Variants in MRPS28 observed in about 807,000 individuals in gnomAD.
MRPS28 encodes mitochondrial ribosomal protein S28.
Under a neutral mutation model 10.8 loss-of-function variants are expected in MRPS28, and 7 were observed. The ratio of observed to expected loss-of-function variants is 0.65; its 90% CI spans 0.37 to 1.22. The LOEUF (loss-of-function observed/expected upper bound fraction) is 1.22, where lower values mean the gene tolerates loss of function less well. Ranked by LOEUF, MRPS28 falls within the 50% of genes most tolerant of loss-of-function variation. MRPS28 has a pLI of 0.02. For missense variants in MRPS28, 265 were observed against 232.9 expected (o/e 1.14, Z -0.90); for synonymous variants, 121 against 93.3 (o/e 1.30, Z -1.71).
chr8:79,974,249 TAAAC>T (rs1807721186), intron 2 of MRPS28, among the ~76,000 whole-genome samples: 1 of 151,742 alleles, frequency 6.6e-6, no homozygotes, highest in African/African-American at 2.4e-5. Flanking sequence ...CATATACATA[TAAAC>T]AAACGAGGCC....
At chr8:79,974,614 C>G (rs1248669893) in intron 2 of MRPS28, among the ~76,000 whole-genome samples, 5 of 151,608 alleles carry the variant, frequency 3.3e-5, no homozygotes, top group Admixed American at 6.6e-5. Flanking sequence ...AAGCACTAGT[C>G]TTGCTATTTT....
At chr8:79,974,322 C>T (rs1192924146) in intron 2 of MRPS28, among the ~76,000 whole-genome samples, 2 of 151,976 alleles carry the variant, frequency 1.3e-5, no homozygotes, top group African/African-American at 2.4e-5. Context: ...GGATGGATCA[C>T]GAGGTCAGGA....
chr8:79,924,659 T>C (rs1008603845), intron 2 of MRPS28, among the ~76,000 whole-genome samples: 2 of 152,212 alleles, frequency 1.3e-5, no homozygotes, highest in Admixed American at 1.3e-4. Flanking sequence ...ATGCAAACTT[T>C]TAAGCCTTTT....
At chr8:80,026,592 A>G (rs780649925) in intron 1 of MRPS28, among the ~76,000 whole-genome samples, 2 of 152,252 alleles carry the variant, frequency 1.3e-5, no homozygotes, top group Non-Finnish European at 2.9e-5. Flanking sequence ...GGCACTGGAA[A>G]TACAACAGAA....
At chr8:79,959,069 A>C (rs557334316) in intron 2 of MRPS28, among the ~76,000 whole-genome samples, 2 of 152,234 alleles carry the variant, frequency 1.3e-5, no homozygotes, top group Admixed American at 6.5e-5. Context: ...TTAAAGTGAA[A>C]TCCTTCCCTC....
At chr8:80,023,740 T>C (rs901838058) in intron 1 of MRPS28, among the ~76,000 whole-genome samples, 1 of 152,224 alleles carries the variant, frequency 6.6e-6, no homozygotes, top group Non-Finnish European at 1.5e-5. Context: ...CCTCTACTGC[T>C]AAGAGTCATA....
chr8:79,979,927 A>AT (rs1554572300), intron 2 of MRPS28, among the ~76,000 whole-genome samples: 11 of 140,630 alleles, frequency 7.8e-5, no homozygotes, highest in Non-Finnish European at 1.7e-4. Flanking sequence ...AAAAAAAAAA[A>AT]AAAAAAAAAA....
At chr8:79,919,942 C>CCGCCCT (rs1554567167) in intron 2 of MRPS28, among the ~76,000 whole-genome samples, 1 of 93,576 alleles carries the variant, frequency 1.1e-5, no homozygotes, top group Admixed American at 1.4e-4. Context: ...TGCTATCCCT[C>CCGCCCT]CCCCCACCCC....
chr8:79,932,594 G>C (rs1489310678), intron 2 of MRPS28, among the ~76,000 whole-genome samples: 2 of 152,198 alleles, frequency 1.3e-5, no homozygotes, highest in African/African-American at 2.4e-5. Context: ...GCTCTGGAAA[G>C]CCTATGGAGG....
intron 2 of MRPS28, among the ~76,000 whole-genome samples, chr8:79,992,352 A>G (rs934775960): frequency 2.0e-5 from 3 of 152,168 alleles, no homozygotes; most frequent in Non-Finnish European, 4.4e-5. Context: ...TCCTCATGCC[A>G]TTTTCCCCAG....
chr8:80,000,278 T>C (rs1202066636), intron 2 of MRPS28, among the ~76,000 whole-genome samples: 1 of 152,236 alleles, frequency 6.6e-6, no homozygotes, highest in Non-Finnish European at 1.5e-5. Context: ...GAAGTTTAAA[T>C]GGGTATTTCT....
intron 2 of MRPS28, among the ~76,000 whole-genome samples, chr8:79,962,419 T>A (rs1235996882): frequency 6.6e-6 from 1 of 152,124 alleles, no homozygotes. Context: ...TGCTTTCTCA[T>A]CAAGGTCCCA....
intron 2 of MRPS28, among the ~76,000 whole-genome samples, chr8:79,970,800 T>C (rs1369125528): frequency 2.0e-5 from 3 of 151,962 alleles, no homozygotes; most frequent in Non-Finnish European, 2.9e-5. Flanking sequence ...AAAACATACA[T>C]TGCTATAAAT....
chr8:80,023,560 A>C (rs1809426819), intron 1 of MRPS28, among the ~76,000 whole-genome samples: 1 of 152,236 alleles, frequency 6.6e-6, no homozygotes, highest in Non-Finnish European at 1.5e-5. Context: ...AATTACATTT[A>C]AAAATATTTG....
intron 2 of MRPS28, among the ~76,000 whole-genome samples, chr8:79,983,490 A>C (rs1013523343): frequency 2.0e-5 from 3 of 152,186 alleles, no homozygotes; most frequent in Non-Finnish European, 4.4e-5. Flanking sequence ...TACAGGAGGA[A>C]ACCCAAACCA....
chr8:80,007,309 G>A (rs865998912), intron 1 of MRPS28, among the ~76,000 whole-genome samples: 30 of 152,004 alleles, frequency 2.0e-4, no homozygotes, highest in Admixed American at 4.6e-4. Flanking sequence ...ACCCACAGCC[G>A]ATATCATACT....
At chr8:79,929,627 C>CAGA (rs1751910429) in intron 2 of MRPS28, among the ~76,000 whole-genome samples, 1 of 151,606 alleles carries the variant, frequency 6.6e-6, no homozygotes, top group Admixed American at 6.6e-5. Flanking sequence ...CCCCCAAAAG[C>CAGA]AGAAATAAGA....
intron 1 of MRPS28, chr8:80,029,651 G>A: frequency 1.9e-6 from 2 of 1,080,794 alleles, no homozygotes; most frequent in Non-Finnish European, 2.5e-6. Flanking sequence ...TAGAGCTACT[G>A]TTCAGAACAA....
At chr8:80,000,866 C>G (rs539676137) in intron 2 of MRPS28, among the ~76,000 whole-genome samples, 6 of 152,170 alleles carry the variant, frequency 3.9e-5, no homozygotes, top group African/African-American at 1.4e-4. Flanking sequence ...CTAAGGCATT[C>G]TGAATATATT....
Sources: gnomAD v4.1 joint callset for allele counts (sites outside exome capture counted in the v4.1 genomes callset) on GRCh38, gnomAD v4.1.1 for gene constraint, MANE v1.5 for transcripts, NCBI Gene and HGNC (gene_info 2026-07-23, HGNC 2026-07-21) for gene names.